HGSNAT: variants seen among roughly 807,000 people sequenced by gnomAD.
HGSNAT encodes heparan-alpha-glucosaminide N-acetyltransferase.
A neutral mutation model predicts 85.2 loss-of-function variants in HGSNAT; 59 were observed. The ratio of observed to expected loss-of-function variants is 0.69; its 90% CI spans 0.56 to 0.86. HGSNAT has a LOEUF of 0.86. Among genes scored for constraint, HGSNAT ranks in the 40% least tolerant of loss-of-function variants. The pLI is 0.00. For synonymous variants in HGSNAT, 321 were observed against 304.5 expected (o/e 1.05, Z -0.56); for missense variants, 756 against 777.1 (o/e 0.97, Z 0.32).
At chr8:43,169,903 C>T (rs1803559317) in intron 6 of HGSNAT, among the ~76,000 whole-genome samples, 1 of 152,184 alleles carries the variant, frequency 6.6e-6, no homozygotes, top group Non-Finnish European at 1.5e-5. Flanking sequence ...TCGCTGCAGC[C>T]TCAACCTCCT....
intron 8 of HGSNAT, among the ~76,000 whole-genome samples, chr8:43,173,511 C>T (rs1245337838): frequency 7.9e-5 from 12 of 152,040 alleles, no homozygotes; most frequent in Non-Finnish European, 1.3e-4. Context: ...AGTTTGATCA[C>T]GTTGGCCAGG....
intron 11 of HGSNAT, among the ~76,000 whole-genome samples, chr8:43,189,881 C>T (rs1045686608): frequency 6.6e-6 from 1 of 152,232 alleles, no homozygotes; most frequent in Non-Finnish European, 1.5e-5. Flanking sequence ...GCGGGAGCCA[C>T]CGCGTCTGGC....
intron 10 of HGSNAT, among the ~76,000 whole-genome samples, chr8:43,179,360 C>CG (rs1803947609): frequency 1.5e-5 from 2 of 137,526 alleles, no homozygotes; most frequent in Admixed American, 7.0e-5. Context: ...GCTGGCTGGG[C>CG]GGGGGGCTGT....
chr8:43,144,749 C>T (rs1802660296), intron 1 of HGSNAT, among the ~76,000 whole-genome samples: 1 of 152,064 alleles, frequency 6.6e-6, no homozygotes, highest in East Asian at 1.9e-4. Context: ...TATTTGTTCT[C>T]ACTTAGGGTA....
intron 13 of HGSNAT, among the ~76,000 whole-genome samples, chr8:43,193,281 A>T (rs1169026053): frequency 1.3e-5 from 2 of 152,246 alleles, no homozygotes; most frequent in Non-Finnish European, 2.9e-5. Context: ...TCATTTCCAG[A>T]TTTCTACAAT....
chr8:43,188,221 A>G (rs558423617), intron 11 of HGSNAT, among the ~76,000 whole-genome samples: 26 of 152,304 alleles, frequency 1.7e-4, no homozygotes, highest in Admixed American at 5.2e-4. Flanking sequence ...TCTCCTAGAT[A>G]ATATCCTGAA....
intron 2 of HGSNAT, among the ~76,000 whole-genome samples, chr8:43,158,252 C>A (rs1803155404): frequency 6.6e-6 from 1 of 152,148 alleles, no homozygotes; most frequent in Non-Finnish European, 1.5e-5. Context: ...GCATGTGCCA[C>A]CACGTCCAGC....
chr8:43,193,692 A>C, intron 13 of HGSNAT, 65 bp from the exon 14 acceptor site: 47 of 1,048,332 alleles, frequency 4.5e-5, no homozygotes, highest in Non-Finnish European at 6.1e-5. Context: ...TATTTGGTCT[A>C]GGAGCTGTTT....
At chr8:43,186,488 A>G (rs999073106) in intron 11 of HGSNAT, among the ~76,000 whole-genome samples, 12 of 151,444 alleles carry the variant, frequency 7.9e-5, no homozygotes, top group Non-Finnish European at 1.6e-4. Flanking sequence ...TGGTGATATC[A>G]CCCTTATCAT....
intron 2 of HGSNAT, among the ~76,000 whole-genome samples, chr8:43,154,112 G>T (rs183256635): frequency 1.6e-4 from 24 of 152,220 alleles, no homozygotes; most frequent in African/African-American, 5.8e-4. Context: ...AGGCCAGGGG[G>T]CTGCTTTGAA....
At chr8:43,179,469 C>T (rs1408304649) in intron 10 of HGSNAT, among the ~76,000 whole-genome samples, 5 of 103,220 alleles carry the variant, frequency 4.8e-5, no homozygotes, top group South Asian at 3.5e-4. Flanking sequence ...ACCTCCCGGA[C>T]GGGGCGGCCG....
chr8:43,153,918 T>C (rs1317641798), intron 2 of HGSNAT, among the ~76,000 whole-genome samples: 1 of 152,250 alleles, frequency 6.6e-6, no homozygotes, highest in Non-Finnish European at 1.5e-5. Context: ...TCTGTGAATA[T>C]ATTGCACATT....
intron 2 of HGSNAT, among the ~76,000 whole-genome samples, chr8:43,154,681 A>G (rs1264856511): frequency 2.0e-5 from 3 of 152,210 alleles, no homozygotes; most frequent in Non-Finnish European, 2.9e-5. Context: ...TTATAGCAGC[A>G]TGATTTATAT....
intron 11 of HGSNAT, among the ~76,000 whole-genome samples, chr8:43,183,914 C>T (rs1320934125): frequency 6.6e-6 from 1 of 152,106 alleles, no homozygotes; most frequent in Non-Finnish European, 1.5e-5. Flanking sequence ...TGATAGTTTG[C>T]TGAGAATGAT....
At chr8:43,174,003 G>T (rs191602486) in intron 9 of HGSNAT, 707 of 277,120 alleles carry the variant, frequency 2.6e-3, no homozygotes, top group Non-Finnish European at 3.7e-3. Context: ...ATTACCTGAG[G>T]TCAGGAGTTC....
At chr8:43,155,850 T>C (rs1031203979) in intron 2 of HGSNAT, among the ~76,000 whole-genome samples, 3 of 152,146 alleles carry the variant, frequency 2.0e-5, no homozygotes, top group Non-Finnish European at 4.4e-5. Context: ...CTTTTTTTTT[T>C]CTTTTTTTAA....
At chr8:43,140,749 C>A in intron 1 of HGSNAT, 135 bp downstream of exon 1, 1 of 296,578 alleles carries the variant, frequency 3.4e-6, no homozygotes, top group Non-Finnish European at 5.6e-6. Context: ...TGGGCTGTTG[C>A]TGCGACTTCG....
Position 43,146,988 on chromosome 8 carries a change from G to A in HGSNAT, c.159G>A (p.Gln53=), listed in dbSNP as rs1190858255. Reference sequence around the variant, plus strand: ...GACATGCAGAGCTGAAGATGGATCAGGCTTTGCTACTCATCCATAATGAAC... The same window carrying A: ...GACATGCAGAGCTGAAGATGGATCAAGCTTTGCTACTCATCCATAATGAAC... ...KKRHAELKMD[Q]ALLLIHNELL... Residue 53 remains glutamine, a synonymous_variant, in exon 2 of 18, where the codon CAG becomes CAA. Coordinates refer to ENST00000379644, the MANE Select transcript of HGSNAT (RefSeq NM_152419.3). 7 of 1,608,906 alleles carry A rather than the reference G, an allele frequency of 4.4e-6. No homozygotes were observed. Among genetic ancestry groups the A allele is most frequent in the African/African-American group, 1.3e-5 (1 of 74,402 alleles).
chr8:43,163,740 A>G (rs1322492205), intron 5 of HGSNAT, among the ~76,000 whole-genome samples: 2 of 151,086 alleles, frequency 1.3e-5, no homozygotes, highest in Non-Finnish European at 2.9e-5. Context: ...CTGGTCTTGA[A>G]CTCCTGACCT....
Sources: allele counts gnomAD v4.1 joint callset (sites outside exome capture counted in the v4.1 genomes callset), GRCh38; gene constraint gnomAD v4.1.1; transcripts MANE v1.5; gene names NCBI Gene and HGNC (gene_info 2026-07-23, HGNC 2026-07-21).